ASCC3: variants seen among roughly 807,000 people sequenced by gnomAD.
The protein encoded by ASCC3 is activating signal cointegrator 1 complex subunit 3.
In ASCC3, 158 loss-of-function variants were observed where a neutral mutation model predicts 256.3. That is an observed-to-expected ratio of 0.62 (90% CI 0.54 to 0.70). ASCC3 has a LOEUF of 0.70. Among genes scored for constraint, ASCC3 ranks in the 30% least tolerant of loss-of-function variants. The pLI, the probability that ASCC3 is intolerant of heterozygous loss-of-function variation, is 0.00. For synonymous variants in ASCC3, 948 were observed against 883.4 expected (o/e 1.07, Z -1.30); for missense variants, 2,259 against 2,626.0 (o/e 0.86, Z 3.05).
intron 30 of ASCC3, among the ~76,000 whole-genome samples, chr6:100,623,683 T>C (rs1203437393): frequency 6.6e-6 from 1 of 152,180 alleles, no homozygotes; most frequent in Non-Finnish European, 1.5e-5. Flanking sequence ...TGATTTCATC[T>C]GTTTTCATTG....
In ASCC3 at chr6:100,867,937, T is replaced by C; in HGVS notation, c.61A>G (p.Asn21Asp). 2 of 1,613,740 alleles carry C rather than the reference T, an allele frequency of 1.2e-6. No individual in the cohort carries two copies. Among genetic ancestry groups the C allele is most frequent in the Non-Finnish European group, 1.7e-6 (2 of 1,179,724 alleles). The change falls in exon 2 of 42, where the codon AAT becomes GAT. Residue 21 changes from asparagine to aspartate, a missense_variant. By Grantham distance (23) the Asn-to-Asp change is conservative. Around this residue, in one of 2 missense-constraint regions of ASCC3, gnomAD observed 420 missense variants for 419.3 expected, o/e 1.00. Coordinates refer to ENST00000369162, the MANE Select transcript of ASCC3 (RefSeq NM_006828.4). ...AAGTCAGCCACTTCTTCATTATAATTATCTTGCTTGGTGACATTTGAAAAG... is the reference window on the plus strand; with the variant it reads ...AAGTCAGCCACTTCTTCATTATAATCATCTTGCTTGGTGACATTTGAAAAG... ...RSFSNVTKQD[N>D]YNEEVADLKI...
In ASCC3 at chr6:100,767,307, A is replaced by G. The variant is rs780025639; in HGVS notation, c.1434T>C (p.Asn478=). Residue 478 remains asparagine, a synonymous_variant, in exon 9 of 42, where the codon AAT becomes AAC. Transcript: ENST00000369162. ...QLAFKGMKRL[N]RIQSIVFETA... ...TCTCAAACACTATTGACTGGATTCT[A>G]TTGAGTCTCTTCATTCCTTTAAAAG... The G allele has an allele frequency of 5.6e-6, 9 of 1,612,762 alleles. No homozygotes were observed. Among genetic ancestry groups the G allele is most frequent in the Non-Finnish European group, 7.6e-6 (9 of 1,179,824 alleles).
At chr6:100,706,000 A>G (rs912265722) in intron 13 of ASCC3, among the ~76,000 whole-genome samples, 1 of 151,912 alleles carries the variant, frequency 6.6e-6, no homozygotes, top group Admixed American at 6.6e-5. Flanking sequence ...TCCAGAAGCA[A>G]ATCTCTCTCT....
At chr6:100,828,705 G>A (rs1161586154) in intron 4 of ASCC3, among the ~76,000 whole-genome samples, 1 of 152,124 alleles carries the variant, frequency 6.6e-6, no homozygotes, top group African/African-American at 2.4e-5. Flanking sequence ...TCGTGGTCTG[G>A]CTGGCTTCAG....
At chr6:100,812,573 A>G (rs1770525993) in intron 4 of ASCC3, among the ~76,000 whole-genome samples, 1 of 152,206 alleles carries the variant, frequency 6.6e-6, no homozygotes, top group Non-Finnish European at 1.5e-5. Context: ...TCAATAGTAG[A>G]GTCAAACTGT....
In ASCC3 at chr6:100,601,795, T is replaced by G; in HGVS notation, c.5303+15A>C. 1 of 1,611,668 alleles carries G rather than the reference T, an allele frequency of 6.2e-7. No individual in the cohort carries two copies. Among genetic ancestry groups the G allele is most frequent in the Non-Finnish European group, 8.5e-7 (1 of 1,178,250 alleles). On this transcript the variant is annotated intron_variant, in intron 34 of 41. Transcript: ENST00000369162. ...GGGGCAAAACAGAAAGGTATATAAC[T>G]GCCCTTGCACTTACCTGGGATTCAT...
intron 34 of ASCC3, among the ~76,000 whole-genome samples, chr6:100,591,798 T>C (rs1288669154): frequency 6.6e-6 from 1 of 152,000 alleles, no homozygotes; most frequent in Admixed American, 6.6e-5. Context: ...TGTTACGGAT[T>C]ACCATCAGCC....
chr6:100,752,791 A>C (rs1780997004), intron 10 of ASCC3, among the ~76,000 whole-genome samples: 1 of 152,182 alleles, frequency 6.6e-6, no homozygotes, highest in African/African-American at 2.4e-5. Context: ...AAGTCTTAAT[A>C]AAAAAGTTGT....
chr6:100,821,532 A>T (rs1771042362), intron 4 of ASCC3, among the ~76,000 whole-genome samples: 2 of 152,224 alleles, frequency 1.3e-5, no homozygotes. Context: ...ATAAAAAAAA[A>T]ATGAAGTAGT....
Position 100,600,050 on chromosome 6 carries a change from C to T in ASCC3, c.5303+1760G>A, listed in dbSNP as rs759413121. ...AGAGGTAAAGTGACTCAGACTCACA[C>T]CATTAGTAAAGGATAGTGAGGAAAT... is the stretch of plus-strand genomic sequence containing the variant. On this transcript the variant is annotated intron_variant, in intron 34 of 41. Coordinates refer to ENST00000369162, the MANE Select transcript of ASCC3 (RefSeq NM_006828.4). Among the ~76,000 whole-genome samples, 25 of 152,128 alleles carry T rather than the reference C, an allele frequency of 1.6e-4. 1 individual carries two copies. The highest frequency in any genetic ancestry group is 6.2e-4 in the South Asian group (3 of 4,818).
chr6:100,638,779 C>T lies in ASCC3; in HGVS notation c.3944G>A (p.Cys1315Tyr). ...GTTGTACAGGGCTTCATATGCTTTA[C>T]ATCCCAAAGCTGTGATTGGTAAAGG... ...LQPLPITALG[C>Y]KAYEALYNFS... Residue 1315 changes from cysteine (C) to tyrosine (Y), a missense_variant, in exon 25 of 42, where the codon TGT becomes TAT. Physicochemically the swap from Cys to Tyr is radical, Grantham distance 194 (BLOSUM62 -2). Around this residue, in one of 2 missense-constraint regions of ASCC3, gnomAD observed 1,839 missense variants for 2,206.7 expected, o/e 0.83. Transcript: ENST00000369162. The T allele has an allele frequency of 6.2e-7, 1 of 1,614,132 alleles. No homozygotes were observed. Among genetic ancestry groups the T allele is most frequent in the Non-Finnish European group, 8.5e-7 (1 of 1,179,990 alleles).
At chr6:100,782,078 T>C (rs1490153203) in intron 8 of ASCC3, among the ~76,000 whole-genome samples, 2 of 152,126 alleles carry the variant, frequency 1.3e-5, no homozygotes, top group Non-Finnish European at 2.9e-5. Context: ...ATTTGTTTGT[T>C]TGACCTGCAA....
chr6:100,775,459 T>C (rs1261302593), intron 8 of ASCC3, among the ~76,000 whole-genome samples: 1 of 152,106 alleles, frequency 6.6e-6, no homozygotes, highest in Admixed American at 6.5e-5. Flanking sequence ...TAATAAATTG[T>C]GGCCGAGACG....
At chr6:100,771,417 G>T (rs181356609) in intron 8 of ASCC3, among the ~76,000 whole-genome samples, 7 of 152,170 alleles carry the variant, frequency 4.6e-5, no homozygotes, top group Admixed American at 4.6e-4. Flanking sequence ...CAGTAAATTT[G>T]ACTTAAGCAA....
At chr6:100,565,499 T>G (rs1164282883) in intron 36 of ASCC3, among the ~76,000 whole-genome samples, 1 of 152,180 alleles carries the variant, frequency 6.6e-6, no homozygotes, top group Admixed American at 6.6e-5. Context: ...TGAGCACTCT[T>G]AGGAGCACAG....
intron 4 of ASCC3, among the ~76,000 whole-genome samples, chr6:100,829,647 G>C (rs1325954237): frequency 1.3e-5 from 2 of 152,230 alleles, no homozygotes; most frequent in Non-Finnish European, 2.9e-5. Context: ...CCACAGTGCA[G>C]CAGCGGGCTG....
chr6:100,718,320 C>G (rs1779177011), intron 11 of ASCC3, 69 bp from the exon 12 acceptor site: 1 of 1,351,190 alleles, frequency 7.4e-7, no homozygotes, highest in African/African-American at 1.5e-5. Context: ...TATAATTTGT[C>G]CTATTAATAG....
At chr6:100,777,830 G>A (rs767802480) in intron 8 of ASCC3, among the ~76,000 whole-genome samples, 5 of 152,062 alleles carry the variant, frequency 3.3e-5, no homozygotes, top group East Asian at 3.9e-4. Flanking sequence ...TAGCAAAGAC[G>A]TTGGATTTTT....
At chr6:100,694,788 TAA>T (rs1778005586) in intron 13 of ASCC3, among the ~76,000 whole-genome samples, 2 of 152,036 alleles carry the variant, frequency 1.3e-5, no homozygotes, top group Admixed American at 6.6e-5. Flanking sequence ...AGATATAAAT[TAA>T]TAAATAGGGG....
Sources: allele counts gnomAD v4.1 joint callset (sites outside exome capture counted in the v4.1 genomes callset), GRCh38; gene constraint gnomAD v4.1.1; regional missense constraint gnomAD v4.1.1; transcripts MANE v1.5; gene names NCBI Gene and HGNC (gene_info 2026-07-23, HGNC 2026-07-21).